Variants in SLC9A8 observed in about 807,000 individuals in gnomAD.
SLC9A8 encodes solute carrier family 9 member A8.
A neutral mutation model predicts 66.6 loss-of-function variants in SLC9A8; 48 were observed. That is an observed-to-expected ratio of 0.72 (90% CI 0.57 to 0.92). The LOEUF (loss-of-function observed/expected upper bound fraction) is 0.92. Among genes scored for constraint, SLC9A8 ranks in the 40% least tolerant of loss-of-function variants. The probability of loss-of-function intolerance (pLI) is 0.00; values close to 1 mark genes in which losing one functional copy is unlikely to be tolerated. For missense variants in SLC9A8, 599 were observed against 747.3 expected, an observed-to-expected ratio of 0.80 and a Z score of 2.31; for synonymous variants, 274 against 282.6, an observed-to-expected ratio of 0.97 and a Z score of 0.31.
intron 10 of SLC9A8, among the ~76,000 whole-genome samples, chr20:49,872,766 T>C (rs948625058): frequency 6.6e-6 from 1 of 152,226 alleles, no homozygotes; most frequent in African/African-American, 2.4e-5. Context: ...ATTACAGGCA[T>C]GAGCCACCGC....
At chr20:49,870,925 C>T (rs1372269032) in intron 10 of SLC9A8, among the ~76,000 whole-genome samples, 1 of 152,160 alleles carries the variant, frequency 6.6e-6, no homozygotes, top group Non-Finnish European at 1.5e-5. Context: ...GTCTCAAACT[C>T]CTGGGCTCAA....
At chr20:49,846,129 A>G (rs1300025200) in intron 5 of SLC9A8, among the ~76,000 whole-genome samples, 4 of 152,082 alleles carry the variant, frequency 2.6e-5, no homozygotes, top group Non-Finnish European at 4.4e-5. Flanking sequence ...ATGAGCCACC[A>G]CACTCGTCCC....
intron 3 of SLC9A8, among the ~76,000 whole-genome samples, chr20:49,835,149 C>G (rs964259940): frequency 6.6e-6 from 1 of 151,220 alleles, no homozygotes; most frequent in Non-Finnish European, 1.5e-5. Context: ...TGTAAACCTG[C>G]CATTTGTAGT....
At chr20:49,853,277 C>T (rs906346267) in intron 7 of SLC9A8, among the ~76,000 whole-genome samples, 3 of 151,930 alleles carry the variant, frequency 2.0e-5, no homozygotes, top group Admixed American at 6.6e-5. Context: ...CTGAGTAGCT[C>T]GGACTACAGG....
At chr20:49,854,853 A>G (rs2088404010) in intron 7 of SLC9A8, among the ~76,000 whole-genome samples, 1 of 152,196 alleles carries the variant, frequency 6.6e-6, no homozygotes, top group African/African-American at 2.4e-5. Context: ...CAATCAGCAC[A>G]TATCTGCTGG....
chr20:49,860,345 G>A (rs2088681265), intron 8 of SLC9A8, among the ~76,000 whole-genome samples: 1 of 152,050 alleles, frequency 6.6e-6, no homozygotes, highest in African/African-American at 2.4e-5. Context: ...ATGTTATTTT[G>A]GGCTGTGAAT....
chr20:49,866,684 G>T (rs184564479), intron 10 of SLC9A8, among the ~76,000 whole-genome samples: 2 of 152,142 alleles, frequency 1.3e-5, no homozygotes, highest in East Asian at 1.9e-4. Context: ...GTAAGCTTTT[G>T]CCCATTTCTT....
chr20:49,828,870 T>C (rs945677125), intron 3 of SLC9A8, among the ~76,000 whole-genome samples: 3 of 151,106 alleles, frequency 2.0e-5, no homozygotes, highest in Admixed American at 1.3e-4. Flanking sequence ...ATAATAATAA[T>C]GTATTAATAT....
In SLC9A8 at chr20:49,822,465, TA is replaced by T. The variant is rs367835313; in HGVS notation, c.209-595del. On this transcript the variant is annotated intron_variant, in intron 2 of 15. Coordinates refer to ENST00000361573, the MANE Select transcript of SLC9A8 (RefSeq NM_015266.3). ...AAATTTGAATAATTTTAAATAATTT[TA>T]TAAGGTTTAACAGCTTATATAAAAA... 1.2e-4 allele frequency among the ~76,000 whole-genome samples: 19 copies of T among 152,342 alleles called. 1 individual carries two copies. Among genetic ancestry groups the T allele is most frequent in the African/African-American group, 4.3e-4 (18 of 41,576 alleles).
chr20:49,820,673 T>C (rs1030046026), intron 2 of SLC9A8, among the ~76,000 whole-genome samples: 5 of 151,736 alleles, frequency 3.3e-5, no homozygotes, highest in African/African-American at 4.8e-5. Context: ...CAGCCTCCCA[T>C]ATAGCTGGGA....
rs541699193 is a variant in SLC9A8, at chr20:49,888,500, C to G, written c.*564C>G. 6.3e-6 allele frequency: 1 copy of G among 158,480 alleles called. No homozygotes were observed. The highest frequency in any genetic ancestry group is 1.9e-4 in the East Asian group (1 of 5,210). The allele number at this position is 158,480 out of a possible 1,614,324, so 9.8% of individuals were successfully genotyped here. ...GCTCCCTCAGAGAGAAACGGAGTGACCTTTTGTCCTTTACCTGATTGGCAC... is the reference window on the plus strand; with the variant it reads ...GCTCCCTCAGAGAGAAACGGAGTGAGCTTTTGTCCTTTACCTGATTGGCAC... On this transcript the variant is annotated 3_prime_UTR_variant, in exon 16 of 16. Coordinates refer to ENST00000361573, the MANE Select transcript of SLC9A8 (RefSeq NM_015266.3).
rs768830649 is a variant in SLC9A8, at chr20:49,887,879, C to T, written c.1689C>T (p.Tyr563=). The T allele has an allele frequency of 3.7e-6, 6 of 1,613,526 alleles. No individual in the cohort carries two copies. Among genetic ancestry groups the T allele is most frequent in the South Asian group, 1.1e-5 (1 of 90,994 alleles). Residue 563 remains tyrosine (Y), a synonymous_variant, in exon 16 of 16, where the codon TAC becomes TAT. Transcript: ENST00000361573. ...TGAAAACTCTCACCAACAAGTGGTACGAGGAGGTACGCCAGGGCCCCTCCG... is the reference window on the plus strand; with the variant it reads ...TGAAAACTCTCACCAACAAGTGGTATGAGGAGGTACGCCAGGGCCCCTCCG... ...IQMKTLTNKW[Y]EEVRQGPSGS...
At chr20:49,879,174 A>C (rs2089537932) in intron 12 of SLC9A8, among the ~76,000 whole-genome samples, 1 of 152,162 alleles carries the variant, frequency 6.6e-6, no homozygotes, top group Non-Finnish European at 1.5e-5. Flanking sequence ...GAGGAAAATG[A>C]AAGGATGCCC....
chr20:49,837,860 C>A (rs543802505), intron 3 of SLC9A8, among the ~76,000 whole-genome samples: 2 of 152,260 alleles, frequency 1.3e-5, no homozygotes, highest in East Asian at 3.9e-4. Flanking sequence ...TGAGCCACCA[C>A]GCCTGGTCGG....
At chr20:49,880,872 G>A in intron 12 of SLC9A8, 52 bp from the exon 13 acceptor site, 1 of 1,228,682 alleles carries the variant, frequency 8.1e-7, no homozygotes, top group African/African-American at 1.5e-5. Context: ...AGAAGCTTCA[G>A]CTTGAAGAGC....
chr20:49,857,403 T>A (rs2088540638), intron 8 of SLC9A8, among the ~76,000 whole-genome samples: 1 of 152,180 alleles, frequency 6.6e-6, no homozygotes, highest in Admixed American at 6.5e-5. Flanking sequence ...AGGACTAGAT[T>A]TGAGGACTGA....
Position 49,884,256 on chromosome 20 carries a change from C to CG in SLC9A8, c.1491+190_1491+191insG, listed in dbSNP as rs1568883671. 202 of 285,196 alleles carry CG rather than the reference C, an allele frequency of 7.1e-4. 3 individuals are homozygous for CG. Among genetic ancestry groups the CG allele is most frequent in the Middle Eastern group, 1.0e-3 (1 of 984 alleles). The allele number at this position is 285,196 out of a possible 1,614,324, so 17.7% of individuals were successfully genotyped here. A position where few individuals can be genotyped will look rare whatever the true frequency, so the allele number is the denominator to read the frequency against. On this transcript the variant is annotated intron_variant, in intron 14 of 15. Coordinates refer to ENST00000361573, the MANE Select transcript of SLC9A8 (RefSeq NM_015266.3). ...CACACACACACGACACACACACACACACGACACACACACACACGACACACA... is the reference window on the plus strand; with the variant it reads ...CACACACACACGACACACACACACACGACGACACACACACACACGACACACA...
chr20:49,829,999 G>C (rs1194651886), intron 3 of SLC9A8: 26 of 630,988 alleles, frequency 4.1e-5, no homozygotes, highest in Non-Finnish European at 3.1e-6. Flanking sequence ...CCGGTACCTT[G>C]AAGTGGATGA....
chr20:49,824,819 A>C (rs561400689), intron 3 of SLC9A8, among the ~76,000 whole-genome samples: 6 of 152,178 alleles, frequency 3.9e-5, no homozygotes, highest in Non-Finnish European at 8.8e-5. Context: ...CTTTGCCATC[A>C]TGTTAATTTC....
Sources: gnomAD v4.1 joint callset for allele counts (sites outside exome capture counted in the v4.1 genomes callset) on GRCh38, gnomAD v4.1.1 for gene constraint, MANE v1.5 for transcripts, NCBI Gene and HGNC (gene_info 2026-07-23, HGNC 2026-07-21) for gene names.